The following SYNE1 variants were observed in gnomAD, a reference collection of about 807,000 sequenced individuals.
SYNE1 encodes the protein spectrin repeat containing nuclear envelope protein 1.
In SYNE1, 616 loss-of-function variants were observed where a neutral mutation model predicts 1,111.0. The observed-to-expected ratio is 0.55, with a 90% CI of 0.52 to 0.59. The LOEUF is 0.59. SYNE1 is among the 20% of genes least tolerant of loss of function. SYNE1 has a pLI of 0.00. For synonymous variants in SYNE1, 3,855 were observed against 3,825.8 expected (o/e 1.01, Z -0.28); for missense variants, 10,006 against 10,417.0 (o/e 0.96, Z 1.72).
At chr6:152,127,574 T>C (rs930941614) in intron 145 of SYNE1, 5 of 152,092 alleles carry the variant, frequency 3.3e-5, no homozygotes, top group Non-Finnish European at 7.4e-5. Flanking sequence ...TGTGATAAAT[T>C]TCTCAAACTG....
intron 115 of SYNE1, among the ~76,000 whole-genome samples, chr6:152,226,345 G>C (rs1339642741): frequency 6.6e-6 from 1 of 151,878 alleles, no homozygotes; most frequent in Non-Finnish European, 1.5e-5. Context: ...GAGTCACTTT[G>C]GGTAGGTGAG....
intron 84 of SYNE1, among the ~76,000 whole-genome samples, chr6:152,320,458 G>T (rs979317178): frequency 2.0e-5 from 3 of 151,934 alleles, no homozygotes; most frequent in Non-Finnish European, 4.4e-5. Flanking sequence ...TCTTCTCTTT[G>T]TCTCATATAG....
At chr6:152,415,967 C>G (rs1043718890) in intron 41 of SYNE1, among the ~76,000 whole-genome samples, 1 of 152,048 alleles carries the variant, frequency 6.6e-6, no homozygotes, top group Admixed American at 6.6e-5. Context: ...TGGTTTATAC[C>G]TTTCTCCAAA....
chr6:152,233,653 G>A, intron 112 of SYNE1, 128 bp downstream of exon 112: 2 of 1,162,476 alleles, frequency 1.7e-6, no homozygotes, highest in Non-Finnish European at 1.2e-6. Flanking sequence ...TAATACAACG[G>A]GAGAGAGAAG....
At chr6:152,606,528 T>G (rs1326134889) in intron 3 of SYNE1, among the ~76,000 whole-genome samples, 2 of 152,202 alleles carry the variant, frequency 1.3e-5, no homozygotes, top group Admixed American at 1.3e-4. Flanking sequence ...AGGAATAAAG[T>G]GTCTACTAAA....
chr6:152,473,621 C>A (rs922666052), intron 14 of SYNE1, among the ~76,000 whole-genome samples: 7 of 152,136 alleles, frequency 4.6e-5, no homozygotes, highest in Non-Finnish European at 1.0e-4. Flanking sequence ...TTATGTGAAG[C>A]CAAGAACTCA....
In SYNE1 at chr6:152,619,380, T is replaced by C. The variant is rs2099670173; in HGVS notation, c.67+8885A>G. Among the ~76,000 whole-genome samples, 4 of 152,146 alleles carry C rather than the reference T, an allele frequency of 2.6e-5. 1 individual carries two copies. The South Asian group carries it at 8.3e-4, about 31-fold the overall frequency. On this transcript the variant is annotated intron_variant, in intron 3 of 145. Coordinates refer to ENST00000367255, the MANE Select transcript of SYNE1 (RefSeq NM_182961.4). ...CAGTGGCTAACAGAGTTTTTCCAGA[T>C]GCAGATGCAATTTCCCCAATTCAAT...
intron 124 of SYNE1, among the ~76,000 whole-genome samples, chr6:152,208,708 C>T (rs1473857639): frequency 2.0e-5 from 3 of 152,216 alleles, no homozygotes; most frequent in African/African-American, 7.2e-5. Context: ...TTTTTAAAAA[C>T]TGTACTCCAT....
At chr6:152,451,361 TGTATTTTTCCAA>T (rs2098647806) in intron 25 of SYNE1, among the ~76,000 whole-genome samples, 156 bp from the exon 26 acceptor site, 1 of 151,954 alleles carries the variant, frequency 6.6e-6, no homozygotes, top group Non-Finnish European at 1.5e-5. Flanking sequence ...CTCTCTACTT[TGTATTTTTCCAA>T]GTACCAGGAC....
At chr6:152,278,026 T>C (rs2093767689) in intron 98 of SYNE1, 63 bp downstream of exon 98, 5 of 1,587,580 alleles carry the variant, frequency 3.1e-6, no homozygotes, top group Non-Finnish European at 4.3e-6. Context: ...CTGGCAAACC[T>C]TAGAAGGAGC....
At chr6:152,431,566 T>A (rs1023615585) in intron 34 of SYNE1, among the ~76,000 whole-genome samples, 4 of 152,214 alleles carry the variant, frequency 2.6e-5, no homozygotes, top group African/African-American at 7.2e-5. Flanking sequence ...CTTGTTTGTA[T>A]ATAAGAAGAT....
chr6:152,586,841 T>A (rs1343237856), intron 3 of SYNE1, among the ~76,000 whole-genome samples: 1 of 152,158 alleles, frequency 6.6e-6, no homozygotes, highest in Non-Finnish European at 1.5e-5. Flanking sequence ...CCTAGAAGAC[T>A]CCCCCATTTG....
chr6:152,409,384 T>G (rs2154169736), intron 43 of SYNE1, 158 bp from the exon 44 acceptor site: 1 of 1,103,180 alleles, frequency 9.1e-7, no homozygotes, highest in African/African-American at 1.6e-5. Flanking sequence ...CACCATTTTC[T>G]TGAATTGCTA....
intron 145 of SYNE1, chr6:152,127,635 G>A (rs1226646654): frequency 6.6e-6 from 1 of 152,172 alleles, no homozygotes; most frequent in Non-Finnish European, 1.5e-5. Flanking sequence ...AATAGCAACA[G>A]AGAAACCTAT....
chr6:152,374,010 G>T (rs2097234929), intron 58 of SYNE1, among the ~76,000 whole-genome samples: 1 of 152,188 alleles, frequency 6.6e-6, no homozygotes, highest in South Asian at 2.1e-4. Context: ...CCTAGGAAAA[G>T]ACAGCAGATG....
intron 137 of SYNE1, chr6:152,145,659 T>C (rs2059350056): frequency 2.0e-6 from 2 of 985,482 alleles, no homozygotes; most frequent in South Asian, 2.7e-5. Flanking sequence ...AGTCAGTTAT[T>C]CTAGACACAT....
intron 12 of SYNE1, 34 bp downstream of exon 12, chr6:152,488,362 T>A: frequency 1.6e-6 from 2 of 1,216,018 alleles, no homozygotes; most frequent in Non-Finnish European, 2.4e-6. Context: ...AAAAATAGCT[T>A]TTGAAAAATT....
At position 152,180,375 on chromosome 6, in the gene SYNE1, A is replaced by G; in HGVS notation, c.23302-81T>C. The G allele has an allele frequency of 2.2e-6, 3 of 1,365,402 alleles. No individual in the cohort carries two copies. The South Asian group carries it at 3.6e-5, about 16-fold the overall frequency. 84.6% of individuals were successfully genotyped at this position (1,365,402 alleles called of 1,614,324 possible). ...CTCCAAGGAAAATAGCAAATAAACT[A>G]GGACTAAAATGAATGATAGTCATAC... On this transcript the variant is annotated intron_variant, in intron 128 of 145. Transcript: ENST00000367255.
At position 152,330,657 on chromosome 6, in the gene SYNE1, A is replaced by G; in HGVS notation, c.14028T>C (p.Tyr4676=). The change falls in exon 78 of 146, where the codon TAT becomes TAC. Residue 4676 remains tyrosine (Y), a synonymous_variant. Coordinates refer to ENST00000367255, the MANE Select transcript of SYNE1 (RefSeq NM_182961.4). ...VQEAILARKE[Y]ASLIELTTQS... ...GGGTTGTCAACTCAATCAAGGAAGC[A>G]TATTCCTTCCGAGCAAGAATTGCTT... 1.2e-6 allele frequency: 2 copies of G among 1,613,898 alleles called. No individual in the cohort carries two copies. Among genetic ancestry groups the G allele is most frequent in the South Asian group, 1.1e-5 (1 of 91,078 alleles).
Sources: allele counts gnomAD v4.1 joint callset (sites outside exome capture counted in the v4.1 genomes callset), GRCh38; gene constraint gnomAD v4.1.1; transcripts MANE v1.5; gene names NCBI Gene and HGNC (gene_info 2026-07-23, HGNC 2026-07-21).